The following LEF1 variants were observed in gnomAD, a reference collection of about 807,000 sequenced individuals.
The protein encoded by LEF1 is lymphoid enhancer-binding factor 1.
LEF1 carries 14 observed loss-of-function variants against 51.2 expected under a neutral mutation model. That is an observed-to-expected ratio of 0.27 (90% CI 0.18 to 0.43). The LOEUF is 0.43. LEF1 is among the 20% of genes least tolerant of loss of function. LEF1 has a pLI of 1.00. For synonymous variants in LEF1, 185 were observed against 183.2 expected (o/e 1.01, Z -0.08); for missense variants, 386 against 512.0 (o/e 0.75, Z 2.37).
chr4:108,161,356 T>G (rs1303392410), intron 3 of LEF1, among the ~76,000 whole-genome samples: 1 of 152,060 alleles, frequency 6.6e-6, no homozygotes, highest in Admixed American at 6.5e-5. Flanking sequence ...AATAAATACA[T>G]CCTAATATTT....
At chr4:108,099,611 TATATATAA>T (rs1315437268) in intron 3 of LEF1, among the ~76,000 whole-genome samples, 7 of 120,252 alleles carry the variant, frequency 5.8e-5, no homozygotes, top group African/African-American at 2.3e-4. Flanking sequence ...TATATATATA[TATATATAA>T]ATAATACTTG....
At chr4:108,049,432 C>A (rs1371661098) in intron 11 of LEF1, among the ~76,000 whole-genome samples, 1 of 152,154 alleles carries the variant, frequency 6.6e-6, no homozygotes, top group Non-Finnish European at 1.5e-5. Context: ...ACTCCCACAT[C>A]CTCAAAGCTT....
intron 11 of LEF1, among the ~76,000 whole-genome samples, chr4:108,059,553 A>G (rs971923415): frequency 5.3e-5 from 8 of 152,020 alleles, no homozygotes; most frequent in Non-Finnish European, 1.2e-4. Flanking sequence ...CCTACCCTCA[A>G]GTGATGGTAT....
At chr4:108,111,748 C>CA (rs771618084) in intron 3 of LEF1, among the ~76,000 whole-genome samples, 10 of 152,032 alleles carry the variant, frequency 6.6e-5, no homozygotes, top group South Asian at 2.1e-4. Context: ...TCTGTCTCTA[C>CA]AAAAAAATAC....
At chr4:108,108,911 T>C (rs974240818) in intron 3 of LEF1, among the ~76,000 whole-genome samples, 1 of 152,186 alleles carries the variant, frequency 6.6e-6, no homozygotes. Flanking sequence ...CTTATGTGTG[T>C]ATTTCATTTT....
At chr4:108,083,515 G>C in intron 4 of LEF1, 69 bp from the exon 5 acceptor site, 3 of 942,328 alleles carry the variant, frequency 3.2e-6, no homozygotes, top group Non-Finnish European at 4.9e-6. Context: ...GCAACTACAT[G>C]TTTTATACCA....
At chr4:108,078,128 A>G in intron 8 of LEF1, 92 bp downstream of exon 8, 3 of 1,185,730 alleles carry the variant, frequency 2.5e-6, no homozygotes, top group Non-Finnish European at 3.7e-6. Context: ...AACACATTCT[A>G]TGACCACCTG....
intron 3 of LEF1, among the ~76,000 whole-genome samples, chr4:108,131,211 G>T (rs1179483240): frequency 6.6e-6 from 1 of 151,922 alleles, no homozygotes; most frequent in Non-Finnish European, 1.5e-5. Context: ...AAGGTAGGAG[G>T]ATCACTTCAG....
In LEF1 at chr4:108,048,638, T is replaced by C; in HGVS notation, c.*120A>G. 7.0e-7 allele frequency: 1 copy of C among 1,438,182 alleles called. No homozygotes were observed. The highest frequency in any genetic ancestry group is 9.5e-7 in the Non-Finnish European group (1 of 1,055,188). The allele number at this position is 1,438,182 out of a possible 1,614,324, so 89.1% of individuals were successfully genotyped here. On this transcript the variant is annotated 3_prime_UTR_variant, in exon 12 of 12. Coordinates refer to ENST00000265165, the MANE Select transcript of LEF1 (RefSeq NM_016269.5). Reference sequence around the variant, plus strand: ...AATTGATGTCAGTGTTCCTTTGGGGTCGACTGGGCAGGCCGTGGAGACAGT... The same window carrying C: ...AATTGATGTCAGTGTTCCTTTGGGGCCGACTGGGCAGGCCGTGGAGACAGT...
chr4:108,144,166 T>C (rs1743851134), intron 3 of LEF1, among the ~76,000 whole-genome samples: 1 of 152,158 alleles, frequency 6.6e-6, no homozygotes, highest in South Asian at 2.1e-4. Context: ...AATACAAATT[T>C]ACTCTTAAAA....
Position 108,099,086 on chromosome 4 carries a change from T to C in LEF1, c.415-9829A>G, listed in dbSNP as rs542331664. 1.6e-3 allele frequency among the ~76,000 whole-genome samples: 251 copies of C among 152,244 alleles called. 1 individual carries two copies. Among genetic ancestry groups the C allele is most frequent in the African/African-American group, 5.8e-3 (240 of 41,554 alleles). Reference sequence around the variant, plus strand: ...AGAATTCAAATACTGTGTGTGAAAATAATGTAAATGATCTCAGTATGTTTA... The same window carrying C: ...AGAATTCAAATACTGTGTGTGAAAACAATGTAAATGATCTCAGTATGTTTA... On this transcript the variant is annotated intron_variant, in intron 3 of 11. Coordinates refer to ENST00000265165, the MANE Select transcript of LEF1 (RefSeq NM_016269.5).
intron 2 of LEF1, 61 bp from the exon 3 acceptor site, chr4:108,163,762 T>TG: frequency 6.5e-7 from 1 of 1,547,318 alleles, no homozygotes; most frequent in Non-Finnish European, 8.8e-7. Flanking sequence ...TACTGTATTT[T>TG]TCATCTGAAA....
At chr4:108,159,294 A>G (rs1467855942) in intron 3 of LEF1, among the ~76,000 whole-genome samples, 2 of 152,224 alleles carry the variant, frequency 1.3e-5, no homozygotes, top group East Asian at 3.8e-4. Context: ...TTTCCCACAC[A>G]TTCTCCTGAC....
At chr4:108,127,071 A>G (rs1476631030) in intron 3 of LEF1, among the ~76,000 whole-genome samples, 2 of 152,154 alleles carry the variant, frequency 1.3e-5, no homozygotes, top group Admixed American at 6.5e-5. Context: ...GAGGGGCTAG[A>G]AGAATGCTTC....
At position 108,167,946 on chromosome 4, in the gene LEF1, CCG is replaced by C; in HGVS notation, c.-181_-180del. The stretch of plus-strand genomic sequence containing the variant: ...CGCCGGCCGGCAGCCGGAGCAGCTG[CCG>C]CGGCGCCCGAATCCCGGCGGCCGCC... On this transcript the variant is annotated 5_prime_UTR_variant, in exon 1 of 12. Transcript: ENST00000265165. The surrounding 1 kb of genome is among the most constrained non-coding windows in gnomAD (Gnocchi z 5.7). 2.9e-6 allele frequency: 1 copy of C among 350,060 alleles called. No individual in the cohort carries two copies. Among genetic ancestry groups the C allele is most frequent in the Non-Finnish European group, 5.0e-6 (1 of 201,478 alleles). 21.7% of individuals were successfully genotyped at this position (350,060 alleles called of 1,614,324 possible).
chr4:108,136,035 A>G (rs564663867), intron 3 of LEF1, among the ~76,000 whole-genome samples: 1 of 152,326 alleles, frequency 6.6e-6, no homozygotes, highest in Admixed American at 6.5e-5. Flanking sequence ...TGCTCAGGGG[A>G]AGGTGATGAT....
chr4:108,130,168 A>G (rs1560811303), intron 3 of LEF1, among the ~76,000 whole-genome samples: 1 of 152,206 alleles, frequency 6.6e-6, no homozygotes, highest in Non-Finnish European at 1.5e-5. Flanking sequence ...ATACAAGGAC[A>G]TGCAGAGCAG....
intron 8 of LEF1, chr4:108,072,837 C>T (rs1738576886): frequency 6.6e-6 from 1 of 152,142 alleles, no homozygotes; most frequent in South Asian, 2.1e-4. Context: ...GAACACTGAC[C>T]TAGTATTACA....
chr4:108,081,094 C>T (rs564303098), intron 6 of LEF1, among the ~76,000 whole-genome samples: 2 of 152,280 alleles, frequency 1.3e-5, no homozygotes, highest in South Asian at 4.2e-4. Context: ...CCGCACTGTT[C>T]TGTCTCTTCT....
Sources: allele counts gnomAD v4.1 joint callset (sites outside exome capture counted in the v4.1 genomes callset), GRCh38; gene constraint gnomAD v4.1.1; non-coding constraint Gnocchi (gnomAD v3.1); transcripts MANE v1.5; gene names NCBI Gene and HGNC (gene_info 2026-07-23, HGNC 2026-07-21).